The following PITPNC1 variants were observed in gnomAD, a reference collection of about 807,000 sequenced individuals.
The protein encoded by PITPNC1 is phosphatidylinositol transfer protein cytoplasmic 1.
A neutral mutation model predicts 44.7 loss-of-function variants in PITPNC1; 18 were observed. The observed-to-expected ratio is 0.40, with a 90% CI of 0.28 to 0.60. PITPNC1 has a LOEUF of 0.60. PITPNC1 is among the 20% of genes least tolerant of loss of function. PITPNC1 has a pLI of 0.39. For synonymous variants in PITPNC1, 141 were observed against 149.6 expected, an observed-to-expected ratio of 0.94 and a Z score of 0.42; for missense variants, 290 against 418.4, an observed-to-expected ratio of 0.69 and a Z score of 2.68.
intron 1 of PITPNC1, among the ~76,000 whole-genome samples, chr17:67,485,752 C>T (rs1421819868): frequency 6.6e-6 from 1 of 152,052 alleles, no homozygotes; most frequent in Non-Finnish European, 1.5e-5. Context: ...TTAAAGATGA[C>T]TCTTAAGATG....
At chr17:67,512,508 A>C (rs867668409) in intron 1 of PITPNC1, among the ~76,000 whole-genome samples, 3 of 150,540 alleles carry the variant, frequency 2.0e-5, no homozygotes, top group Non-Finnish European at 4.4e-5. Context: ...CTCAAAAAAA[A>C]AAAAAAAAAA....
chr17:67,396,979 TTTTA>T (rs144252732), intron 1 of PITPNC1, among the ~76,000 whole-genome samples: 27,557 of 151,824 alleles, frequency 0.18, 3,136 homozygotes, highest in South Asian at 0.32. Context: ...TTAAATTTAT[TTTTA>T]TTTATTTATT....
intron 5 of PITPNC1, among the ~76,000 whole-genome samples, chr17:67,619,086 T>C (rs1365674674): frequency 6.6e-6 from 1 of 151,776 alleles, no homozygotes; most frequent in Non-Finnish European, 1.5e-5. Context: ...AAATAAAAAA[T>C]AAAAACATCT....
At chr17:67,471,512 A>G (rs764720085) in intron 1 of PITPNC1, 1 of 360,454 alleles carries the variant, frequency 2.8e-6, no homozygotes, top group Non-Finnish European at 5.3e-6. Context: ...GTGCAAAAGA[A>G]ACTGTGGTTT....
At chr17:67,627,269 TA>T (rs1289091708) in intron 5 of PITPNC1, among the ~76,000 whole-genome samples, 30 of 152,128 alleles carry the variant, frequency 2.0e-4, no homozygotes, top group Admixed American at 1.9e-3. Flanking sequence ...GAAAAGAAAT[TA>T]AAACTCATCA....
At chr17:67,458,598 T>C (rs1309476221) in intron 1 of PITPNC1, among the ~76,000 whole-genome samples, 1 of 152,198 alleles carries the variant, frequency 6.6e-6, no homozygotes, top group Non-Finnish European at 1.5e-5. Context: ...TCTTTAACAG[T>C]CTAAAGCACA....
intron 5 of PITPNC1, among the ~76,000 whole-genome samples, chr17:67,585,071 G>A (rs887375349): frequency 2.0e-5 from 3 of 147,736 alleles, no homozygotes; most frequent in African/African-American, 2.5e-5. Context: ...AGCTGAGATC[G>A]TGCCATTGCA....
At chr17:67,483,910 TTTTC>T (rs201118579) in intron 1 of PITPNC1, among the ~76,000 whole-genome samples, 1 of 124,448 alleles carries the variant, frequency 8.0e-6, no homozygotes, top group Non-Finnish European at 1.8e-5. Flanking sequence ...CTTGCTAACG[TTTTC>T]TTTCTTTTTT....
At chr17:67,478,975 C>T (rs1434759546) in intron 1 of PITPNC1, among the ~76,000 whole-genome samples, 9 of 151,902 alleles carry the variant, frequency 5.9e-5, no homozygotes, top group Non-Finnish European at 1.2e-4. Flanking sequence ...CAGTTGGTAC[C>T]AGCACAGAGT....
At chr17:67,512,503 A>AAAAAAC (rs1393524373) in intron 1 of PITPNC1, among the ~76,000 whole-genome samples, 21 of 149,248 alleles carry the variant, frequency 1.4e-4, no homozygotes, top group African/African-American at 5.2e-4. Context: ...TGTGTCTCAA[A>AAAAAAC]AAAAAAAAAA....
intron 5 of PITPNC1, among the ~76,000 whole-genome samples, chr17:67,583,982 G>A (rs138484444): frequency 3.3e-5 from 5 of 151,140 alleles, no homozygotes; most frequent in African/African-American, 4.9e-5. Context: ...CTCATGATCC[G>A]CCCGCCTCGG....
intron 1 of PITPNC1, among the ~76,000 whole-genome samples, chr17:67,453,914 T>G (rs1461248856): frequency 6.6e-6 from 1 of 152,124 alleles, no homozygotes; most frequent in Non-Finnish European, 1.5e-5. Context: ...GATTTGCCCT[T>G]GATTTGTTGG....
At chr17:67,647,471 T>TG (rs1389274968) in intron 6 of PITPNC1, among the ~76,000 whole-genome samples, 3 of 95,710 alleles carry the variant, frequency 3.1e-5, no homozygotes, top group African/African-American at 5.7e-5. Flanking sequence ...TGGGTTTTTT[T>TG]TTTTTTTTTT....
At chr17:67,495,065 T>G (rs1328481426) in intron 1 of PITPNC1, among the ~76,000 whole-genome samples, 4 of 87,928 alleles carry the variant, frequency 4.5e-5, no homozygotes, top group Admixed American at 1.2e-4. Context: ...TTTTTTTTTT[T>G]TTTTTTTTTG....
At chr17:67,557,483 G>A (rs762845273) in intron 4 of PITPNC1, among the ~76,000 whole-genome samples, 1 of 152,168 alleles carries the variant, frequency 6.6e-6, no homozygotes, top group African/African-American at 2.4e-5. Context: ...TCAAGGTCTA[G>A]ATTTAATTCT....
At chr17:67,389,609 G>A (rs1435585799) in intron 1 of PITPNC1, among the ~76,000 whole-genome samples, 1 of 152,176 alleles carries the variant, frequency 6.6e-6, no homozygotes, top group East Asian at 1.9e-4. Flanking sequence ...AAGTCTGTAA[G>A]TGTATTAAGA....
At chr17:67,549,708 A>G (rs573504194) in intron 2 of PITPNC1, among the ~76,000 whole-genome samples, 1 of 152,246 alleles carries the variant, frequency 6.6e-6, no homozygotes, top group South Asian at 2.1e-4. Flanking sequence ...CCGGACTACT[A>G]CTATGCATGA....
intron 5 of PITPNC1, among the ~76,000 whole-genome samples, chr17:67,622,311 T>C (rs2041842350): frequency 6.7e-6 from 1 of 149,944 alleles, no homozygotes; most frequent in African/African-American, 2.5e-5. Context: ...ATAAAGAGTA[T>C]CTTTTTTATT....
Position 67,597,117 on chromosome 17 carries a change from C to T in PITPNC1, c.366+18860C>T, listed in dbSNP as rs1231110577. ...CTATATTACCCAGGCTGATCTTGAACCCCTGGGCTCAAGTGATGCCCCCAC... is the reference window on the plus strand; with the variant it reads ...CTATATTACCCAGGCTGATCTTGAATCCCTGGGCTCAAGTGATGCCCCCAC... On this transcript the variant is annotated intron_variant, in intron 5 of 8. Transcript: ENST00000581322. This position sits in a 1 kb window ranked among gnomAD's most constrained non-coding sequence, Gnocchi z 4.0. 6.6e-6 allele frequency among the ~76,000 whole-genome samples: 1 copy of T among 152,094 alleles called. No homozygotes were observed.
Sources: gnomAD v4.1 joint callset for allele counts (sites outside exome capture counted in the v4.1 genomes callset) on GRCh38, gnomAD v4.1.1 for gene constraint, Gnocchi (gnomAD v3.1) non-coding constraint, MANE v1.5 for transcripts, NCBI Gene and HGNC (gene_info 2026-07-23, HGNC 2026-07-21) for gene names.